HTR2C: variants seen among roughly 807,000 people sequenced by gnomAD.
HTR2C encodes 5-hydroxytryptamine receptor 2C, also known as 5-hydroxytryptamine (serotonin) receptor 2C, G protein-coupled.
A neutral mutation model predicts 21.0 loss-of-function variants in HTR2C; 5 were observed. The ratio of observed to expected loss-of-function variants is 0.24; its 90% CI spans 0.12 to 0.50. The LOEUF is 0.50. Among genes scored for constraint, HTR2C ranks in the 20% least tolerant of loss-of-function variants. The pLI, the probability that HTR2C is intolerant of heterozygous loss-of-function variation, is 0.98. For missense variants in HTR2C, 271 were observed against 371.2 expected (o/e 0.73, Z 2.22); for synonymous variants, 150 against 145.3 (o/e 1.03, Z -0.23).
chrX:114,771,949 T>C (rs782212530), intron 4 of HTR2C, among the ~76,000 whole-genome samples: 1 of 112,206 alleles, frequency 8.9e-6, no homozygotes, highest in South Asian at 3.7e-4. Context: ...TACATGAAGC[T>C]CCAAAACAAA....
intron 2 of HTR2C, among the ~76,000 whole-genome samples, chrX:114,667,334 A>C (rs1226539254): frequency 9.0e-6 from 1 of 110,896 alleles, no homozygotes; most frequent in Non-Finnish European, 1.9e-5. Context: ...GACTTAAATA[A>C]ATTTTCGAAA....
At chrX:114,760,108 T>C (rs1205644950) in intron 4 of HTR2C, among the ~76,000 whole-genome samples, 1 of 111,769 alleles carries the variant, frequency 8.9e-6, no homozygotes, top group East Asian at 2.8e-4. Context: ...ACTGGGAAAA[T>C]ATCCTTTCCA....
At chrX:114,696,803 T>C (rs782742219) in intron 2 of HTR2C, among the ~76,000 whole-genome samples, 1 of 110,855 alleles carries the variant, frequency 9.0e-6, no homozygotes, top group Non-Finnish European at 1.9e-5. Context: ...TATTATTAAT[T>C]CTCTGTGGGC....
intron 2 of HTR2C, among the ~76,000 whole-genome samples, chrX:114,695,135 A>T (rs1359449973): frequency 1.8e-5 from 2 of 112,232 alleles, no homozygotes; most frequent in African/African-American, 3.2e-5. Flanking sequence ...GCTTGTAGAA[A>T]TTTGGTATGC....
chrX:114,810,758 G>T (rs1296045384), intron 4 of HTR2C, among the ~76,000 whole-genome samples: 3 of 108,237 alleles, frequency 2.8e-5, no homozygotes, highest in Non-Finnish European at 5.7e-5. Flanking sequence ...TTGTATGAAG[G>T]TGCTTTTTTT....
chrX:114,723,194 G>C (rs1438871297), intron 2 of HTR2C, among the ~76,000 whole-genome samples: 2 of 111,005 alleles, frequency 1.8e-5, no homozygotes, highest in Admixed American at 9.6e-5. Context: ...AATTTCAGAG[G>C]CTGTTATTGG....
intron 1 of HTR2C, among the ~76,000 whole-genome samples, chrX:114,607,880 C>G (rs1224249114): frequency 3.6e-5 from 4 of 110,486 alleles, no homozygotes; most frequent in Non-Finnish European, 5.7e-5. Context: ...CCCAGCTACT[C>G]AGGAGGCTGA....
At chrX:114,643,513 A>G (rs782749518) in intron 2 of HTR2C, among the ~76,000 whole-genome samples, 41 of 110,203 alleles carry the variant, frequency 3.7e-4, no homozygotes, top group Non-Finnish European at 7.2e-4. Flanking sequence ...GGATGATTTA[A>G]CCTGGGCAGT....
intron 2 of HTR2C, among the ~76,000 whole-genome samples, chrX:114,689,666 C>A (rs1269454651): frequency 9.0e-6 from 1 of 110,941 alleles, no homozygotes; most frequent in Non-Finnish European, 1.9e-5. Context: ...ACTTCAAAGA[C>A]AGCATCACTT....
intron 4 of HTR2C, among the ~76,000 whole-genome samples, chrX:114,771,212 T>C (rs2070000000): frequency 8.9e-6 from 1 of 111,963 alleles, no homozygotes; most frequent in South Asian, 3.7e-4. Flanking sequence ...CTAGTGTTTA[T>C]TGTTGTTTAT....
chrX:114,681,182 A>G (rs916196785), intron 2 of HTR2C, among the ~76,000 whole-genome samples: 1 of 111,587 alleles, frequency 9.0e-6, no homozygotes, highest in Non-Finnish European at 1.9e-5. Flanking sequence ...TCAAAGTTAA[A>G]TATATTGTAC....
intron 4 of HTR2C, among the ~76,000 whole-genome samples, chrX:114,792,374 G>A (rs1409777992): frequency 4.5e-5 from 5 of 111,125 alleles, no homozygotes; most frequent in African/African-American, 1.6e-4. Flanking sequence ...CGAGGTGTTT[G>A]GTTTTCTGTT....
intron 4 of HTR2C, among the ~76,000 whole-genome samples, chrX:114,789,726 T>C (rs1439526178): frequency 9.0e-6 from 1 of 111,193 alleles, no homozygotes; most frequent in Non-Finnish European, 1.9e-5. Context: ...GTTTGTGTCT[T>C]ATCCAAGGAC....
rs985001633 is a variant in HTR2C at position 114,893,372 on chromosome X, A to C, written c.551-13217A>C. ...CAAGAATAAAGAAATAAATCAATGC[A>C]ATTTTTAAAAAATAGTCCAGAAATA... On this transcript the variant is annotated intron_variant, in intron 5 of 5. Coordinates refer to ENST00000276198, the MANE Select transcript of HTR2C (RefSeq NM_000868.4). 2.7e-5 allele frequency among the ~76,000 whole-genome samples: 3 copies of C among 111,920 alleles called. No individual in the cohort carries two copies. The Admixed American group carries it at 2.9e-4, about 11-fold the overall frequency.
chrX:114,853,443 T>A (rs2070935730), intron 5 of HTR2C, among the ~76,000 whole-genome samples: 1 of 111,670 alleles, frequency 9.0e-6, no homozygotes, highest in Admixed American at 9.6e-5. Context: ...TTCCCCTAAC[T>A]CAGGTTGGAC....
chrX:114,733,703 A>G (rs2069559579), intron 4 of HTR2C, among the ~76,000 whole-genome samples: 1 of 109,972 alleles, frequency 9.1e-6, no homozygotes, highest in South Asian at 4.0e-4. Context: ...CCCTCCCTCT[A>G]CTGTCTCCCA....
chrX:114,589,308 C>T (rs782140770), intron 1 of HTR2C, among the ~76,000 whole-genome samples: 9 of 111,392 alleles, frequency 8.1e-5, no homozygotes, highest in East Asian at 2.8e-4. Context: ...TGCTGAGAGA[C>T]TGAGGGACAA....
intron 4 of HTR2C, among the ~76,000 whole-genome samples, chrX:114,810,820 C>T (rs1556452553): frequency 9.2e-6 from 1 of 109,055 alleles, no homozygotes; most frequent in Non-Finnish European, 1.9e-5. Context: ...GGGACAATTG[C>T]TGGAGGCTTC....
chrX:114,791,516 T>A (rs1279718050), intron 4 of HTR2C, among the ~76,000 whole-genome samples: 1 of 111,502 alleles, frequency 9.0e-6, no homozygotes, highest in Non-Finnish European at 1.9e-5. Flanking sequence ...CAGAAAACAC[T>A]GGAAAATTTC....
Sources: gnomAD v4.1 joint callset for allele counts (sites outside exome capture counted in the v4.1 genomes callset) on GRCh38, gnomAD v4.1.1 for gene constraint, MANE v1.5 for transcripts, NCBI Gene and HGNC (gene_info 2026-07-23, HGNC 2026-07-21) for gene names.